Variants in GRIN2B observed in about 807,000 individuals in gnomAD.
The protein encoded by GRIN2B is glutamate ionotropic receptor NMDA type subunit 2B, also known as glutamate receptor ionotropic, NMDA 2B.
A neutral mutation model predicts 114.5 loss-of-function variants in GRIN2B; 5 were observed. The observed-to-expected ratio is 0.04, with a 90% CI of 0.02 to 0.09. GRIN2B has a LOEUF of 0.09. Ranked by LOEUF, GRIN2B falls within the 10% of genes least tolerant of loss-of-function variation. GRIN2B has a pLI of 1.00. For missense variants in GRIN2B, 1,108 were observed against 1,943.5 expected (o/e 0.57, Z 8.08); for synonymous variants, 787 against 745.1 (o/e 1.06, Z -0.92).
At position 13,548,782 on chromosome 12, in the gene GRIN2B, A is replaced by G. The variant is rs1948376937; in HGVS notation, c.*14001T>C. ...AGGCTTGATTTTTTTTAGATTAAAAAATTAGTCTAGTGCCCACCTCCTCCC... is the reference window on the plus strand; with the variant it reads ...AGGCTTGATTTTTTTTAGATTAAAAGATTAGTCTAGTGCCCACCTCCTCCC... On this transcript the variant is annotated 3_prime_UTR_variant, in exon 14 of 14. Transcript: ENST00000609686. The G allele has an allele frequency of 6.6e-6, 1 of 152,018 alleles. No individual in the cohort carries two copies. The highest frequency in any genetic ancestry group is 2.4e-5 in the African/African-American group (1 of 41,390). 9.4% of individuals were successfully genotyped at this position (152,018 alleles called of 1,614,324 possible). A position where few individuals can be genotyped will look rare whatever the true frequency, so the allele number is the denominator to read the frequency against.
At chr12:13,591,105 A>G (rs34942586) in intron 10 of GRIN2B, among the ~76,000 whole-genome samples, 61,451 of 152,000 alleles carry the variant, frequency 0.4, 13,942 homozygotes, top group East Asian at 0.81. Context: ...TAAGCACTGC[A>G]ACTCGCCTGC....
At chr12:13,623,152 T>A (rs920918264) in intron 5 of GRIN2B, among the ~76,000 whole-genome samples, 12 of 152,252 alleles carry the variant, frequency 7.9e-5, no homozygotes, top group Admixed American at 3.9e-4. Context: ...AGTGTGGAAT[T>A]TCTTCCAACA....
At chr12:13,596,429 A>G (rs1949074748) in intron 10 of GRIN2B, among the ~76,000 whole-genome samples, 1 of 152,222 alleles carries the variant, frequency 6.6e-6, no homozygotes, top group South Asian at 2.1e-4. Flanking sequence ...TCTTCTTGTC[A>G]CAAGTACTTC....
intron 3 of GRIN2B, among the ~76,000 whole-genome samples, chr12:13,861,030 T>C (rs1201335232): frequency 2.0e-5 from 3 of 152,206 alleles, no homozygotes; most frequent in African/African-American, 2.4e-5. Flanking sequence ...AAATCTTCCA[T>C]ATATTTTATT....
Position 13,616,481 on chromosome 12 carries a change from G to A in GRIN2B, c.1302C>T (p.Val434=), listed in dbSNP as rs758148425. ...PLSGTCMRNT[V]PCQKRIVTEN... is the part of the protein sequence containing the mutation. ...CAGTGACTATGCGTTTTTGGCAGGG[G>A]ACTGTGTTCCTCATGCAGGTTCCAC... Residue 434 remains valine, a synonymous_variant, in exon 6 of 14, where the codon GTC becomes GTT. Coordinates refer to ENST00000609686, the MANE Select transcript of GRIN2B (RefSeq NM_000834.5). The A allele has an allele frequency of 1.9e-6, 3 of 1,613,644 alleles. No individual in the cohort carries two copies. The highest frequency in any genetic ancestry group is 1.7e-6 in the Non-Finnish European group (2 of 1,179,844).
intron 4 of GRIN2B, among the ~76,000 whole-genome samples, chr12:13,711,781 A>G (rs34620639): frequency 0.16 from 24,110 of 152,050 alleles, 2,512 homozygotes; most frequent in Non-Finnish European, 0.23. Context: ...CTGTTGGTGG[A>G]ACTGTAAACT....
intron 10 of GRIN2B, among the ~76,000 whole-genome samples, chr12:13,593,036 C>T (rs1163102551): frequency 1.3e-5 from 2 of 152,128 alleles, no homozygotes; most frequent in African/African-American, 4.8e-5. Flanking sequence ...GTCATTCCTC[C>T]TTCTTTACTG....
At position 13,564,591 on chromosome 12, in the gene GRIN2B, C is replaced by T; in HGVS notation, c.2647G>A (p.Val883Ile). 6.2e-7 allele frequency: 1 copy of T among 1,614,008 alleles called. No individual in the cohort carries two copies. Among genetic ancestry groups the T allele is most frequent in the Non-Finnish European group, 8.5e-7 (1 of 1,179,990 alleles). Residue 883 changes from valine (V) to isoleucine (I), a missense_variant, in exon 14 of 14, where the codon GTA becomes ATA. Physicochemically the swap from Val to Ile is conservative, Grantham distance 29. Around this residue, in one of 19 missense-constraint regions of GRIN2B, gnomAD observed 27 missense variants for 51.7 expected, o/e 0.52. Transcript: ENST00000609686. The surrounding 1 kb of genome is among the most constrained non-coding windows in gnomAD (Gnocchi z 4.8). ...HGVAIEERQS[V>I]MNSPTATMNN... Reference sequence around the variant, plus strand: ...ATGGTTGCGGTGGGGGAGTTCATTACAGACTGGCGCTCCTCGATCGCCACC... The same window carrying T: ...ATGGTTGCGGTGGGGGAGTTCATTATAGACTGGCGCTCCTCGATCGCCACC...
rs964416977 is a variant in GRIN2B at position 13,833,797 on chromosome 12, G to A, written c.411+32001C>T. Among the ~76,000 whole-genome samples, 6 of 152,062 alleles carry A rather than the reference G, an allele frequency of 3.9e-5. No homozygotes were observed. The South Asian group carries it at 6.2e-4, about 16-fold the overall frequency. On this transcript the variant is annotated intron_variant, in intron 3 of 13. Transcript: ENST00000609686. ...ATAAGGGACTTTTCCACAGTACCACGGATTGTTAATGGCACAGCAGGTATC... is the reference window on the plus strand; with the variant it reads ...ATAAGGGACTTTTCCACAGTACCACAGATTGTTAATGGCACAGCAGGTATC...
intron 2 of GRIN2B, among the ~76,000 whole-genome samples, chr12:13,914,895 A>G (rs897409637): frequency 3.3e-5 from 5 of 152,160 alleles, no homozygotes; most frequent in Non-Finnish European, 7.4e-5. Context: ...ATAGAGAATT[A>G]TCTATTACCA....
intron 3 of GRIN2B, among the ~76,000 whole-genome samples, chr12:13,851,463 A>C (rs2136728243): frequency 6.6e-6 from 1 of 152,298 alleles, no homozygotes; most frequent in Non-Finnish European, 1.5e-5. Context: ...TTTATAACCT[A>C]AACAACATGA....
intron 4 of GRIN2B, among the ~76,000 whole-genome samples, chr12:13,727,309 T>C (rs965018694): frequency 2.6e-5 from 4 of 152,212 alleles, no homozygotes; most frequent in Non-Finnish European, 5.9e-5. Context: ...CAGCCTTGGT[T>C]CCAGACAACA....
At chr12:13,744,852 A>G (rs1863349710) in intron 4 of GRIN2B, among the ~76,000 whole-genome samples, 1 of 152,092 alleles carries the variant, frequency 6.6e-6, no homozygotes, top group Non-Finnish European at 1.5e-5. Flanking sequence ...AAATTTCTGA[A>G]AGCCGAGGGA....
intron 4 of GRIN2B, among the ~76,000 whole-genome samples, chr12:13,743,384 A>G (rs74065268): frequency 0.043 from 6,470 of 152,214 alleles, 402 homozygotes; most frequent in African/African-American, 0.15. Context: ...GTGTGACAGA[A>G]GTGAGGACAA....
chr12:13,967,500 C>T (rs1867808263), intron 2 of GRIN2B, among the ~76,000 whole-genome samples: 2 of 152,166 alleles, frequency 1.3e-5, no homozygotes, highest in South Asian at 4.1e-4. Flanking sequence ...ATTTACATAC[C>T]TCTATGGATG....
intron 2 of GRIN2B, among the ~76,000 whole-genome samples, chr12:13,948,638 G>A (rs1454373866): frequency 6.6e-6 from 1 of 152,134 alleles, no homozygotes; most frequent in Non-Finnish European, 1.5e-5. Flanking sequence ...AAGAGACCTG[G>A]ATTCTGCAAG....
At chr12:13,592,780 C>T (rs894468451) in intron 10 of GRIN2B, among the ~76,000 whole-genome samples, 1 of 152,134 alleles carries the variant, frequency 6.6e-6, no homozygotes, top group Non-Finnish European at 1.5e-5. Flanking sequence ...AATCAAAAGC[C>T]CTGTTCTTTC....
intron 3 of GRIN2B, among the ~76,000 whole-genome samples, chr12:13,864,145 A>C (rs1865788688): frequency 1.3e-5 from 2 of 152,130 alleles, no homozygotes; most frequent in African/African-American, 4.8e-5. Flanking sequence ...ACCTGCACCC[A>C]CGTAAATGGA....
chr12:13,748,926 C>T (rs946139656), intron 4 of GRIN2B, among the ~76,000 whole-genome samples: 8 of 152,172 alleles, frequency 5.3e-5, no homozygotes, highest in African/African-American at 1.9e-4. Context: ...CGAAATTATT[C>T]ATTGTTTATC....
Sources: gnomAD v4.1 joint callset for allele counts (sites outside exome capture counted in the v4.1 genomes callset) on GRCh38, gnomAD v4.1.1 for gene constraint, gnomAD v4.1.1 regional missense constraint, Gnocchi (gnomAD v3.1) non-coding constraint, MANE v1.5 for transcripts, NCBI Gene and HGNC (gene_info 2026-07-23, HGNC 2026-07-21) for gene names.